Variants in NCAM2 observed in about 807,000 individuals in gnomAD.
NCAM2 encodes the protein N-CAM-2.
Under a neutral mutation model 98.1 loss-of-function variants are expected in NCAM2, and 30 were observed. The observed-to-expected ratio is 0.31, with a 90% CI of 0.23 to 0.41. The LOEUF is 0.41. NCAM2 is among the 10% of genes least tolerant of loss of function. NCAM2 has a pLI of 1.00. For missense variants in NCAM2, 867 were observed against 1,005.8 expected (o/e 0.86, Z 1.87); for synonymous variants, 368 against 342.4 (o/e 1.07, Z -0.83).
At chr21:21,155,194 A>C (rs1237755207) in intron 1 of NCAM2, among the ~76,000 whole-genome samples, 1 of 151,108 alleles carries the variant, frequency 6.6e-6, no homozygotes, top group Non-Finnish European at 1.5e-5. Flanking sequence ...AAGATACTAC[A>C]CTAAAGAAAA....
At chr21:21,511,921 T>C (rs888766130) in intron 16 of NCAM2, among the ~76,000 whole-genome samples, 7 of 152,040 alleles carry the variant, frequency 4.6e-5, no homozygotes, top group African/African-American at 2.4e-5. Context: ...TCCAGATCAC[T>C]TGCTCATTTT....
At chr21:21,088,446 C>A (rs2146435967) in intron 1 of NCAM2, among the ~76,000 whole-genome samples, 1 of 152,212 alleles carries the variant, frequency 6.6e-6, no homozygotes, top group African/African-American at 2.4e-5. Flanking sequence ...GGTTGGGATT[C>A]ATTACATCTA....
At chr21:21,313,623 T>C (rs1390907862) in intron 5 of NCAM2, among the ~76,000 whole-genome samples, 3 of 151,990 alleles carry the variant, frequency 2.0e-5, no homozygotes, top group African/African-American at 7.2e-5. Flanking sequence ...AGCATATAGT[T>C]AGGTTATATT....
chr21:21,265,362 TTA>T (rs1463076758), intron 1 of NCAM2, among the ~76,000 whole-genome samples: 1 of 82,280 alleles, frequency 1.2e-5, no homozygotes, highest in South Asian at 4.4e-4. Context: ...ATATATTATA[TTA>T]TATATACACA....
At chr21:21,410,760 G>A (rs1472962268) in intron 10 of NCAM2, among the ~76,000 whole-genome samples, 2 of 151,280 alleles carry the variant, frequency 1.3e-5, no homozygotes, top group East Asian at 3.9e-4. Context: ...TGTAATCCCA[G>A]CACTTTGGGA....
chr21:21,363,844 G>A lies in NCAM2; in HGVS notation c.1045-10019G>A, dbSNP rs371318991. Among the ~76,000 whole-genome samples, 48 of 152,070 alleles carry A rather than the reference G, an allele frequency of 3.2e-4. No homozygotes were observed. In the South Asian group the frequency reaches 4.8e-3, roughly 15 times the overall value. On this transcript the variant is annotated intron_variant, in intron 8 of 17. Transcript: ENST00000400546. Reference sequence around the variant, plus strand: ...AGACTCCTGATTTTGCTTAAAAAGCGTAACATTTTATCAACATTTCCAACT... The same window carrying A: ...AGACTCCTGATTTTGCTTAAAAAGCATAACATTTTATCAACATTTCCAACT...
chr21:21,386,863 A>G (rs1299816031), intron 9 of NCAM2, among the ~76,000 whole-genome samples: 2 of 152,184 alleles, frequency 1.3e-5, no homozygotes, highest in African/African-American at 4.8e-5. Flanking sequence ...ATATTTTGTA[A>G]CTGGATTTAT....
chr21:21,350,342 T>A (rs1052630060), intron 8 of NCAM2, among the ~76,000 whole-genome samples: 1 of 152,242 alleles, frequency 6.6e-6, no homozygotes, highest in Non-Finnish European at 1.5e-5. Flanking sequence ...AAAGTTTTAA[T>A]AACTGTAACT....
chr21:21,505,766 ATAT>A (rs928396806), intron 15 of NCAM2, among the ~76,000 whole-genome samples: 23 of 152,082 alleles, frequency 1.5e-4, no homozygotes, highest in African/African-American at 3.4e-4. Context: ...CAATTTTATA[ATAT>A]TAAAATAATT....
intron 12 of NCAM2, among the ~76,000 whole-genome samples, chr21:21,434,765 A>G (rs1405548858): frequency 6.6e-6 from 1 of 152,212 alleles, no homozygotes; most frequent in Admixed American, 6.5e-5. Flanking sequence ...AAAACTTATA[A>G]TAATGTTTAA....
At chr21:21,277,928 A>C (rs2072786718) in intron 1 of NCAM2, among the ~76,000 whole-genome samples, 1 of 152,124 alleles carries the variant, frequency 6.6e-6, no homozygotes, top group Admixed American at 6.6e-5. Flanking sequence ...TTGAAAATTG[A>C]TTGATGGTGA....
At chr21:21,292,823 A>G (rs1053912361) in intron 5 of NCAM2, among the ~76,000 whole-genome samples, 3 of 151,902 alleles carry the variant, frequency 2.0e-5, no homozygotes, top group East Asian at 1.9e-4. Context: ...TCACACTGCT[A>G]TAAAGAATAC....
chr21:21,281,344 G>C (rs1243273280), intron 2 of NCAM2, among the ~76,000 whole-genome samples: 1 of 151,938 alleles, frequency 6.6e-6, no homozygotes, highest in Non-Finnish European at 1.5e-5. Context: ...AATAAATTTG[G>C]TATGGCACAC....
chr21:21,530,805 T>G (rs1989650830), intron 16 of NCAM2, among the ~76,000 whole-genome samples: 1 of 151,918 alleles, frequency 6.6e-6, no homozygotes, highest in Non-Finnish European at 1.5e-5. Flanking sequence ...GTTTTGAATA[T>G]CCATATATAT....
chr21:21,119,323 A>G (rs1340190063), intron 1 of NCAM2, among the ~76,000 whole-genome samples: 2 of 152,206 alleles, frequency 1.3e-5, no homozygotes, highest in East Asian at 3.8e-4. Flanking sequence ...TTCTTAAATT[A>G]GCCGACTATG....
chr21:21,362,260 A>G (rs974063090), intron 8 of NCAM2, among the ~76,000 whole-genome samples: 2 of 152,176 alleles, frequency 1.3e-5, no homozygotes, highest in Non-Finnish European at 2.9e-5. Context: ...AACAAGCCAT[A>G]TAATATAAAT....
chr21:21,262,507 A>G (rs1034165455), intron 1 of NCAM2, among the ~76,000 whole-genome samples: 1 of 152,060 alleles, frequency 6.6e-6, no homozygotes, highest in African/African-American at 2.4e-5. Context: ...TCAAAATAAT[A>G]AGAGCTATAT....
intron 12 of NCAM2, among the ~76,000 whole-genome samples, chr21:21,434,196 C>T (rs1477833104): frequency 6.6e-6 from 1 of 152,142 alleles, no homozygotes; most frequent in East Asian, 1.9e-4. Flanking sequence ...AAATAACTGT[C>T]ACAGAAATTA....
intron 1 of NCAM2, among the ~76,000 whole-genome samples, chr21:21,183,932 A>T (rs535108124): frequency 6.6e-6 from 1 of 152,138 alleles, no homozygotes; most frequent in Non-Finnish European, 1.5e-5. Flanking sequence ...CAGTTGATAC[A>T]TGTAAAGAGA....
Sources: gnomAD v4.1 joint callset for allele counts (sites outside exome capture counted in the v4.1 genomes callset) on GRCh38, gnomAD v4.1.1 for gene constraint, MANE v1.5 for transcripts, NCBI Gene and HGNC (gene_info 2026-07-23, HGNC 2026-07-21) for gene names.